Variants in PDE8A observed in about 807,000 individuals in gnomAD.
The protein encoded by PDE8A is high affinity cAMP-specific and IBMX-insensitive 3',5'-cyclic phosphodiesterase 8A.
PDE8A carries 59 observed loss-of-function variants against 105.0 expected under a neutral mutation model. The observed-to-expected ratio is 0.56, with a 90% CI of 0.46 to 0.70. The LOEUF (loss-of-function observed/expected upper bound fraction) is 0.70, where lower values mean the gene tolerates loss of function less well. Ranked by LOEUF, PDE8A falls within the 30% of genes least tolerant of loss-of-function variation. PDE8A has a pLI of 0.00. For synonymous variants in PDE8A, 355 were observed against 371.9 expected, an observed-to-expected ratio of 0.95 and a Z score of 0.52; for missense variants, 1,014 against 1,045.9, an observed-to-expected ratio of 0.97 and a Z score of 0.42.
Position 85,113,872 on chromosome 15 carries a change from G to A in PDE8A, c.1186-1G>A, listed in dbSNP as rs1387396570. The A allele has an allele frequency of 1.2e-6, 2 of 1,608,212 alleles. No homozygotes were observed. The highest frequency in any genetic ancestry group is 3.4e-5 in the Admixed American group (2 of 59,478). ...TCAAGTATTTTCTTTCCATAATGTAGGTAATCAATATTATCAATGCTGCCC... is the reference window on the plus strand; with the variant it reads ...TCAAGTATTTTCTTTCCATAATGTAAGTAATCAATATTATCAATGCTGCCC... On this transcript the variant is annotated splice_acceptor_variant, in intron 13 of 21. Coordinates refer to ENST00000394553, the MANE Select transcript of PDE8A (RefSeq NM_002605.3). LOFTEE classifies it high-confidence loss of function.
chr15:85,053,539 C>A (rs1445190690), intron 1 of PDE8A, among the ~76,000 whole-genome samples: 1 of 152,154 alleles, frequency 6.6e-6, no homozygotes. Flanking sequence ...TCCTTCACAT[C>A]CCTTGTAAGT....
intron 5 of PDE8A, 45 bp downstream of exon 5, chr15:85,076,832 A>C: frequency 8.4e-7 from 1 of 1,195,090 alleles, no homozygotes; most frequent in Non-Finnish European, 1.3e-6. Context: ...TCAATTTGAG[A>C]AATTATTTTA....
chr15:85,001,656 G>A (rs11856097), intron 1 of PDE8A, among the ~76,000 whole-genome samples: 8,478 of 152,270 alleles, frequency 0.056, 279 homozygotes, highest in African/African-American at 0.096. Flanking sequence ...TTGGGCACCT[G>A]AAGACGTCAT....
Position 85,127,533 on chromosome 15 carries a change from A to G in PDE8A, c.2253+1159A>G, listed in dbSNP as rs72759094. Among the ~76,000 whole-genome samples, 1,403 of 152,356 alleles carry G rather than the reference A, an allele frequency of 9.2e-3. 16 individuals carry two copies. The highest frequency in any genetic ancestry group is 0.017 in the Middle Eastern group (5 of 294). On this transcript the variant is annotated intron_variant, in intron 20 of 21. Transcript: ENST00000394553. The stretch of plus-strand genomic sequence containing the variant: ...TGTATTTTATGTACTAGCAACCAAC[A>G]ATTGGAAAATGAAACCAAAAGCCCA...
chr15:84,993,499 A>C (rs1361706002), intron 1 of PDE8A, among the ~76,000 whole-genome samples: 2 of 151,416 alleles, frequency 1.3e-5, no homozygotes, highest in Non-Finnish European at 2.9e-5. Flanking sequence ...CAATCACTTA[A>C]ATTGCACAGT....
intron 5 of PDE8A, among the ~76,000 whole-genome samples, chr15:85,082,935 A>G (rs1018842473): frequency 5.3e-5 from 8 of 152,234 alleles, no homozygotes. Context: ...GGTTATACAA[A>G]ATACTTAATG....
At chr15:85,048,534 TG>T (rs779022792) in intron 1 of PDE8A, among the ~76,000 whole-genome samples, 4 of 152,198 alleles carry the variant, frequency 2.6e-5, no homozygotes, top group Non-Finnish European at 5.9e-5. Context: ...TGCCCCATAC[TG>T]TAGGACATAA....
At chr15:85,135,138 G>A (rs2082388289) in intron 20 of PDE8A, among the ~76,000 whole-genome samples, 1 of 152,148 alleles carries the variant, frequency 6.6e-6, no homozygotes, top group Non-Finnish European at 1.5e-5. Context: ...AAGGGGAGGA[G>A]CTGCGAGTGA....
intron 1 of PDE8A, among the ~76,000 whole-genome samples, chr15:85,042,330 G>A (rs560051203): frequency 2.4e-4 from 37 of 152,036 alleles, no homozygotes; most frequent in Non-Finnish European, 4.4e-4. Flanking sequence ...ATGTACCACC[G>A]TGCCCAGCTA....
At chr15:85,135,750 A>G (rs1451764623) in intron 20 of PDE8A, among the ~76,000 whole-genome samples, 1 of 152,166 alleles carries the variant, frequency 6.6e-6, no homozygotes, top group Non-Finnish European at 1.5e-5. Context: ...AAAGAACAGG[A>G]CGCTTGCCTT....
At chr15:85,123,333 G>T in intron 19 of PDE8A, 140 bp downstream of exon 19, 2 of 524,836 alleles carry the variant, frequency 3.8e-6, no homozygotes, top group Non-Finnish European at 6.8e-6. Context: ...CAGAACTAAT[G>T]GGATACACAC....
chr15:85,017,346 C>T (rs911190219), intron 1 of PDE8A, among the ~76,000 whole-genome samples: 61 of 151,968 alleles, frequency 4.0e-4, no homozygotes, highest in African/African-American at 1.5e-3. Flanking sequence ...ATTTGTAATA[C>T]ATAGCACATA....
intron 3 of PDE8A, among the ~76,000 whole-genome samples, chr15:85,067,748 A>G (rs1244250157): frequency 6.6e-6 from 1 of 152,180 alleles, no homozygotes; most frequent in Non-Finnish European, 1.5e-5. Context: ...AGAGAGAGAA[A>G]AGATATAAGC....
chr15:85,137,667 T>A lies in PDE8A; in HGVS notation c.2384-130T>A, dbSNP rs2082433914. 8.1e-6 allele frequency: 5 copies of A among 620,542 alleles called. No homozygotes were observed. The South Asian group carries it at 9.8e-5, about 12-fold the overall frequency. 38.4% of individuals were successfully genotyped at this position (620,542 alleles called of 1,614,324 possible). Reference sequence around the variant, plus strand: ...CGGCTCGTTGAAGCTGCTGGGTGTGTTTGCCCGGGTCTGTTTAGCCTCACG... The same window carrying A: ...CGGCTCGTTGAAGCTGCTGGGTGTGATTGCCCGGGTCTGTTTAGCCTCACG... On this transcript the variant is annotated intron_variant, in intron 21 of 21. Coordinates refer to ENST00000394553, the MANE Select transcript of PDE8A (RefSeq NM_002605.3).
At chr15:85,091,285 G>T (rs768552391) in intron 8 of PDE8A, 104 bp downstream of exon 8, 3 of 1,034,962 alleles carry the variant, frequency 2.9e-6, no homozygotes, top group Admixed American at 2.5e-5. Flanking sequence ...ACTCCTCCCA[G>T]CAGCCCAGGG....
intron 8 of PDE8A, among the ~76,000 whole-genome samples, chr15:85,094,535 T>A (rs1004144841): frequency 2.0e-5 from 3 of 152,236 alleles, no homozygotes; most frequent in Non-Finnish European, 4.4e-5. Flanking sequence ...TTCAGCATCC[T>A]ACTATCATCT....
chr15:85,038,058 C>T (rs1027871338), intron 1 of PDE8A, among the ~76,000 whole-genome samples: 1 of 152,084 alleles, frequency 6.6e-6, no homozygotes, highest in Non-Finnish European at 1.5e-5. Flanking sequence ...TTCAAATTTC[C>T]TGCTGACATA....
At chr15:85,008,433 C>T (rs1393632450) in intron 1 of PDE8A, among the ~76,000 whole-genome samples, 1 of 152,108 alleles carries the variant, frequency 6.6e-6, no homozygotes, top group Non-Finnish European at 1.5e-5. Flanking sequence ...CCAGACCCTT[C>T]CTCCATACTG....
chr15:85,015,601 T>G (rs1018588044), intron 1 of PDE8A, among the ~76,000 whole-genome samples: 4 of 152,216 alleles, frequency 2.6e-5, no homozygotes, highest in African/African-American at 9.6e-5. Context: ...CTCTACTGCC[T>G]TGCCATAGAA....
Sources: allele counts gnomAD v4.1 joint callset (sites outside exome capture counted in the v4.1 genomes callset), GRCh38; gene constraint gnomAD v4.1.1; transcripts MANE v1.5; gene names NCBI Gene and HGNC (gene_info 2026-07-23, HGNC 2026-07-21).